MAST4: variants seen among roughly 807,000 people sequenced by gnomAD.
MAST4 encodes the protein microtubule associated serine/threonine kinase family member 4.
MAST4 carries 89 observed loss-of-function variants against 162.7 expected under a neutral mutation model. That is an observed-to-expected ratio of 0.55 (90% CI 0.46 to 0.65). The LOEUF is 0.65. Among genes scored for constraint, MAST4 ranks in the 30% least tolerant of loss-of-function variants. The probability of loss-of-function intolerance (pLI) is 0.00; values close to 1 mark genes in which losing one functional copy is unlikely to be tolerated. For synonymous variants in MAST4, 1,479 were observed against 1,361.1 expected (o/e 1.09, Z -1.91); for missense variants, 3,153 against 3,374.0 (o/e 0.93, Z 1.62).
At chr5:66,918,002 G>A (rs1238127268) in intron 4 of MAST4, among the ~76,000 whole-genome samples, 1 of 143,078 alleles carries the variant, frequency 7.0e-6, no homozygotes, top group Non-Finnish European at 1.6e-5. Flanking sequence ...TCTCAGTGTG[G>A]AGATCTCTTT....
chr5:66,745,789 C>G (rs1752720296), intron 1 of MAST4, among the ~76,000 whole-genome samples: 1 of 152,196 alleles, frequency 6.6e-6, no homozygotes, highest in African/African-American at 2.4e-5. Context: ...AGGAAGATGA[C>G]TGTATCTTTT....
chr5:67,094,466 A>G (rs1764210401), intron 6 of MAST4, among the ~76,000 whole-genome samples: 1 of 152,234 alleles, frequency 6.6e-6, no homozygotes. Context: ...CATAATAACA[A>G]ACGTAATAAC....
chr5:66,763,959 C>T (rs1208611054), intron 2 of MAST4, among the ~76,000 whole-genome samples: 1 of 152,102 alleles, frequency 6.6e-6, no homozygotes, highest in East Asian at 1.9e-4. Context: ...GAGTAGGCTT[C>T]CTTTAAAAAT....
intron 1 of MAST4, among the ~76,000 whole-genome samples, chr5:66,601,287 A>T (rs1742536400): frequency 6.6e-6 from 1 of 152,212 alleles, no homozygotes; most frequent in South Asian, 2.1e-4. Context: ...ACTCTACCAA[A>T]TTCAGTAAGA....
Position 67,054,404 on chromosome 5 carries a change from T to A in MAST4, c.675T>A (p.Phe225Leu). The A allele has an allele frequency of 6.2e-7, 1 of 1,602,612 alleles. No individual in the cohort carries two copies. The highest frequency in any genetic ancestry group is 8.5e-7 in the Non-Finnish European group (1 of 1,174,746). ...TTTGTTTTTTCTTTCTTTTTGATAG[T>A]TGCCGAACAAGCAACCGGAAAAGCT... ...KELSLPRRGS[F>L]CRTSNRKSLI... is the part of the protein sequence containing the mutation. The change falls in exon 5 of 29, where the codon TTT becomes TTA. Residue 225 changes from phenylalanine (F) to leucine (L), a missense_variant and splice_region_variant. By Grantham distance (22) the Phe-to-Leu change is conservative. Around this residue, in one of 7 missense-constraint regions of MAST4, gnomAD observed 327 missense variants for 336.5 expected, o/e 0.97. Transcript: ENST00000403625.
chr5:67,152,822 T>C lies in MAST4; in HGVS notation c.3481T>C (p.Tyr1161His). The change falls in exon 25 of 29, where the codon TAT becomes CAT. Residue 1161 changes from tyrosine to histidine, a missense_variant. By Grantham distance (83) the Tyr-to-His change is moderately conservative. Coordinates refer to ENST00000403625, the MANE Select transcript of MAST4 (RefSeq NM_001164664.2). ...CTTTACCATCCGAGCCATCCGGGTG[T>C]ATGTGGGAGACAGTGACATCTATAC... ...YGFTIRAIRV[Y>H]VGDSDIYTVH... 6.2e-7 allele frequency: 1 copy of C among 1,614,052 alleles called. No homozygotes were observed. The highest frequency in any genetic ancestry group is 8.5e-7 in the Non-Finnish European group (1 of 1,179,896).
At chr5:66,718,603 G>C (rs374737832) in intron 1 of MAST4, among the ~76,000 whole-genome samples, 233 of 152,292 alleles carry the variant, frequency 1.5e-3, no homozygotes, top group African/African-American at 5.2e-3. Flanking sequence ...CTATTACAGT[G>C]TTGTTTTTTC....
chr5:66,915,743 G>A (rs1764074683), intron 4 of MAST4, among the ~76,000 whole-genome samples: 1 of 152,068 alleles, frequency 6.6e-6, no homozygotes, highest in Admixed American at 6.5e-5. Context: ...TGCACTGGGG[G>A]GCTAGTCCTG....
chr5:67,037,571 A>G (rs1756180511), intron 4 of MAST4, among the ~76,000 whole-genome samples: 1 of 152,224 alleles, frequency 6.6e-6, no homozygotes, highest in African/African-American at 2.4e-5. Flanking sequence ...ATTTTTAATA[A>G]AACATTTAAA....
Position 67,166,355 on chromosome 5 carries a change from C to T in MAST4, c.7176C>T (p.Ser2392=), listed in dbSNP as rs1210141430. 1 of 1,610,394 alleles carries T rather than the reference C, an allele frequency of 6.2e-7. No individual in the cohort carries two copies. The highest frequency in any genetic ancestry group is 1.1e-5 in the South Asian group (1 of 90,234). ...GCGACAAGCTCGAGGCCGGCCTTTC[C>T]TTTGTGCATAGCGAGAACCGGTTGA... is the stretch of plus-strand genomic sequence containing the variant. ...AEGDKLEAGL[S]FVHSENRLKG... Residue 2392 remains serine, a synonymous_variant, in exon 29 of 29, where the codon TCC becomes TCT. Transcript: ENST00000403625.
chr5:66,801,965 A>G (rs369498063), intron 3 of MAST4, among the ~76,000 whole-genome samples: 11 of 152,332 alleles, frequency 7.2e-5, no homozygotes, highest in African/African-American at 2.6e-4. Flanking sequence ...TTAGAAATAT[A>G]CTGTAATTGG....
At chr5:66,666,930 AC>A (rs1747298730) in intron 1 of MAST4, among the ~76,000 whole-genome samples, 1 of 152,178 alleles carries the variant, frequency 6.6e-6, no homozygotes, top group Non-Finnish European at 1.5e-5. Flanking sequence ...TTTGTGTGCA[AC>A]CAGGTAGCAG....
In MAST4 at chr5:66,961,559, TA is replaced by T. The variant is rs564775071; in HGVS notation, c.674+61579del. Among the ~76,000 whole-genome samples, 229 of 152,388 alleles carry T rather than the reference TA, an allele frequency of 1.5e-3. 1 individual carries two copies. Among genetic ancestry groups the T allele is most frequent in the African/African-American group, 5.3e-3 (221 of 41,596 alleles). On this transcript the variant is annotated intron_variant, in intron 4 of 28. Coordinates refer to ENST00000403625, the MANE Select transcript of MAST4 (RefSeq NM_001164664.2). ...TATATTTCAGAAATTAATAAGTTGT[TA>T]ATTTATACAGAAATTTATGATGCCT...
intron 3 of MAST4, among the ~76,000 whole-genome samples, chr5:66,870,035 G>A (rs1281525938): frequency 6.6e-6 from 1 of 152,182 alleles, no homozygotes; most frequent in Non-Finnish European, 1.5e-5. Flanking sequence ...CTTGGGTGGT[G>A]TGTTTGTGTG....
chr5:66,672,537 A>G (rs988493970), intron 1 of MAST4, among the ~76,000 whole-genome samples: 1 of 152,238 alleles, frequency 6.6e-6, no homozygotes, highest in Non-Finnish European at 1.5e-5. Flanking sequence ...TTTGGAAGAA[A>G]TCAGGAGAGA....
intron 4 of MAST4, among the ~76,000 whole-genome samples, chr5:66,937,268 A>C (rs1742848970): frequency 6.6e-6 from 1 of 152,198 alleles, no homozygotes; most frequent in Admixed American, 6.5e-5. Context: ...TCAAATTAGG[A>C]GAACAAAATC....
At chr5:66,939,380 A>G (rs1408864964) in intron 4 of MAST4, among the ~76,000 whole-genome samples, 1 of 152,186 alleles carries the variant, frequency 6.6e-6, no homozygotes, top group East Asian at 1.9e-4. Context: ...GCAAAGTACC[A>G]TCTTTTTCCA....
chr5:66,627,231 A>G (rs933373069), intron 1 of MAST4, among the ~76,000 whole-genome samples: 2 of 152,162 alleles, frequency 1.3e-5, no homozygotes, highest in Non-Finnish European at 2.9e-5. Context: ...AAGCCATCAG[A>G]TCTTGTGAGA....
intron 4 of MAST4, among the ~76,000 whole-genome samples, chr5:66,943,777 C>T (rs546149884): frequency 1.5e-4 from 23 of 152,140 alleles, no homozygotes; most frequent in Admixed American, 1.0e-3. Context: ...CCTGTGGTAG[C>T]GTTCTGAAAG....
Sources: allele counts gnomAD v4.1 joint callset (sites outside exome capture counted in the v4.1 genomes callset), GRCh38; gene constraint gnomAD v4.1.1; regional missense constraint gnomAD v4.1.1; transcripts MANE v1.5; gene names NCBI Gene and HGNC (gene_info 2026-07-23, HGNC 2026-07-21).